Variants in NDUFA10 observed in about 807,000 individuals in gnomAD.
NDUFA10 encodes the protein NADH dehydrogenase [ubiquinone] 1 alpha subcomplex subunit 10, mitochondrial.
Under a neutral mutation model 47.8 loss-of-function variants are expected in NDUFA10, and 40 were observed. The observed-to-expected ratio is 0.84, with a 90% CI of 0.65 to 1.09. The LOEUF is 1.09. Among genes scored for constraint, NDUFA10 ranks in the 50% least tolerant of loss-of-function variants. The probability of loss-of-function intolerance (pLI) is 0.00; values close to 1 mark genes in which losing one functional copy is unlikely to be tolerated. For synonymous variants in NDUFA10, 183 were observed against 172.2 expected (o/e 1.06, Z -0.49); for missense variants, 413 against 451.1 (o/e 0.92, Z 0.76).
chr2:239,973,435 A>C (rs1695380272), intron 9 of NDUFA10: 1 of 447,848 alleles, frequency 2.2e-6, no homozygotes, highest in Non-Finnish European at 4.5e-6. Context: ...CTCTGTTTTA[A>C]AAAATGGTAA....
intron 4 of NDUFA10, among the ~76,000 whole-genome samples, chr2:239,941,043 G>T (rs749623118): frequency 3.9e-5 from 6 of 152,208 alleles, no homozygotes; most frequent in Non-Finnish European, 8.8e-5. Context: ...CACCCAGGAA[G>T]GGTAAGCGAA....
At chr2:239,907,170 A>G (rs1693669122) in intron 4 of NDUFA10, among the ~76,000 whole-genome samples, 1 of 152,244 alleles carries the variant, frequency 6.6e-6, no homozygotes, top group African/African-American at 2.4e-5. Flanking sequence ...AGGATTCCCT[A>G]TTTAATAAAT....
intron 9 of NDUFA10, among the ~76,000 whole-genome samples, chr2:239,977,272 G>A (rs1242345367): frequency 3.3e-5 from 5 of 152,136 alleles, no homozygotes; most frequent in Admixed American, 6.5e-5. Context: ...GCAGGTGGGC[G>A]AGCACAGGCA....
intron 6 of NDUFA10, among the ~76,000 whole-genome samples, chr2:240,008,712 G>A (rs1159676373): frequency 6.6e-6 from 1 of 152,220 alleles, no homozygotes; most frequent in Non-Finnish European, 1.5e-5. Context: ...ACACATAACT[G>A]AACAGACATT....
chr2:239,950,283 T>G (rs1694529384), intron 4 of NDUFA10, among the ~76,000 whole-genome samples: 1 of 152,170 alleles, frequency 6.6e-6, no homozygotes. Flanking sequence ...ACTCACAGCT[T>G]CCTCAGGGAT....
At chr2:240,000,428 A>G (rs1382047743) in intron 8 of NDUFA10, among the ~76,000 whole-genome samples, 1 of 152,272 alleles carries the variant, frequency 6.6e-6, no homozygotes, top group African/African-American at 2.4e-5. Flanking sequence ...GTAAAAATAA[A>G]TAATTTTAAA....
chr2:239,903,040 G>A (rs1018074873), intron 4 of NDUFA10, among the ~76,000 whole-genome samples: 1 of 152,134 alleles, frequency 6.6e-6, no homozygotes, highest in Non-Finnish European at 1.5e-5. Flanking sequence ...AGGCAGGCCC[G>A]GAACTCACAT....
chr2:239,945,655 G>A lies in NDUFA10; in HGVS notation c.294+44419C>T, dbSNP rs1694440214. Among the ~76,000 whole-genome samples the A allele has an allele frequency of 6.6e-6, 1 of 152,208 alleles. No homozygotes were observed. Among genetic ancestry groups the A allele is most frequent in the African/African-American group, 2.4e-5 (1 of 41,452 alleles). On this transcript the variant is annotated intron_variant, in intron 4 of 5. Transcript: ENST00000419408. The surrounding 1 kb of genome is among the most constrained non-coding windows in gnomAD (Gnocchi z 4.6). ...TCACGGAATGGATCGATTGGCCCTG[G>A]GATGAAAACCAGCATGTCAGAGCAG...
At chr2:239,904,636 G>A (rs1693614243) in intron 4 of NDUFA10, among the ~76,000 whole-genome samples, 1 of 152,178 alleles carries the variant, frequency 6.6e-6, no homozygotes, top group Non-Finnish European at 1.5e-5. Flanking sequence ...GAGACTGCAG[G>A]CCCTGCCCTA....
intron 8 of NDUFA10, among the ~76,000 whole-genome samples, chr2:239,998,495 T>C (rs1361218122): frequency 1.3e-5 from 2 of 151,940 alleles, no homozygotes. Context: ...TATGCTGCTG[T>C]CTGTGGCAGG....
chr2:239,907,432 A>C (rs1693674945), intron 4 of NDUFA10, among the ~76,000 whole-genome samples: 1 of 152,228 alleles, frequency 6.6e-6, no homozygotes, highest in African/African-American at 2.4e-5. Flanking sequence ...CTGTACAGCA[A>C]AAGAAACTAC....
chr2:239,940,199 G>T (rs1694338676), intron 4 of NDUFA10, among the ~76,000 whole-genome samples: 1 of 152,254 alleles, frequency 6.6e-6, no homozygotes, highest in Admixed American at 6.5e-5. Context: ...ACCAGCCACA[G>T]ATGACACGTC....
chr2:240,013,345 T>C (rs929916404), intron 5 of NDUFA10: 2 of 152,222 alleles, frequency 1.3e-5, no homozygotes, highest in East Asian at 1.9e-4. Context: ...AATTAAGAAG[T>C]TGACAGCTCT....
At chr2:239,994,458 C>A (rs540166119) in intron 8 of NDUFA10, among the ~76,000 whole-genome samples, 2 of 151,910 alleles carry the variant, frequency 1.3e-5, no homozygotes, top group Admixed American at 6.6e-5. Context: ...TCTCCCATCA[C>A]CCCCAGATGG....
intron 4 of NDUFA10, among the ~76,000 whole-genome samples, chr2:239,927,088 C>A (rs1694078841): frequency 6.6e-6 from 1 of 152,162 alleles, no homozygotes; most frequent in African/African-American, 2.4e-5. Flanking sequence ...ATTATGGGAG[C>A]TACAATTCAA....
At chr2:240,000,344 C>A (rs553860795) in intron 8 of NDUFA10, among the ~76,000 whole-genome samples, 12 of 152,150 alleles carry the variant, frequency 7.9e-5, no homozygotes, top group Non-Finnish European at 8.8e-5. Context: ...GATACAGATG[C>A]TCCCGACTCC....
intron 9 of NDUFA10, among the ~76,000 whole-genome samples, chr2:239,985,877 C>T (rs1320640776): frequency 6.8e-6 from 1 of 146,158 alleles, no homozygotes; most frequent in African/African-American, 2.5e-5. Flanking sequence ...CACCACTGCA[C>T]TCCAGCCTGG....
At position 239,933,517 on chromosome 2, in the gene NDUFA10, T is replaced by TTTTTGTTTTG. The variant is rs60064950; in HGVS notation, c.295-38213_295-38204dup. Among the ~76,000 whole-genome samples the TTTTTGTTTTG allele has an allele frequency of 3.0e-4, 45 of 149,162 alleles. 1 individual carries two copies. Among genetic ancestry groups the TTTTTGTTTTG allele is most frequent in the African/African-American group, 9.9e-4 (40 of 40,418 alleles). The stretch of plus-strand genomic sequence containing the variant: ...GAGCCTCCATGGTTTTTTTTTTGTT[T>TTTTTGTTTTG]TTTTGTTTTGTTTTGTTTTGACGGA... On this transcript the variant is annotated intron_variant, in intron 4 of 5. Coordinates refer to the NDUFA10 transcript ENST00000419408.
intron 4 of NDUFA10, among the ~76,000 whole-genome samples, chr2:239,932,862 T>C (rs1238678818): frequency 6.6e-6 from 1 of 152,248 alleles, no homozygotes; most frequent in African/African-American, 2.4e-5. Context: ...ATTACAGGTG[T>C]GAGCCACCGC....
Sources: gnomAD v4.1 joint callset for allele counts (sites outside exome capture counted in the v4.1 genomes callset) on GRCh38, gnomAD v4.1.1 for gene constraint, Gnocchi (gnomAD v3.1) non-coding constraint, MANE v1.5 for transcripts, NCBI Gene and HGNC (gene_info 2026-07-23, HGNC 2026-07-21) for gene names.